Variants in PTPRR observed in about 807,000 individuals in gnomAD.
PTPRR encodes the protein protein tyrosine phosphatase receptor type R.
A neutral mutation model predicts 77.2 loss-of-function variants in PTPRR; 38 were observed. The ratio of observed to expected loss-of-function variants is 0.49; its 90% confidence interval spans 0.38 to 0.65. The LOEUF (loss-of-function observed/expected upper bound fraction) is 0.65. PTPRR is among the 30% of genes least tolerant of loss of function. The probability of loss-of-function intolerance (pLI) is 0.00; values close to 1 mark genes in which losing one functional copy is unlikely to be tolerated. For synonymous variants in PTPRR, 299 were observed against 283.1 expected (o/e 1.06, Z -0.57); for missense variants, 744 against 799.2 (o/e 0.93, Z 0.83).
At chr12:70,669,559 T>TACACACACAC (rs566522694) in intron 10 of PTPRR, among the ~76,000 whole-genome samples, 15,211 of 141,570 alleles carry the variant, frequency 0.11, 1,084 homozygotes, top group African/African-American at 0.2. Flanking sequence ...ATATATGTTA[T>TACACACACAC]ACACACACAC....
At chr12:70,710,708 G>GA (rs1025853966) in intron 6 of PTPRR, among the ~76,000 whole-genome samples, 6 of 151,184 alleles carry the variant, frequency 4.0e-5, no homozygotes, top group East Asian at 3.9e-4. Flanking sequence ...AAATTTACAA[G>GA]AAAAAAAATC....
At chr12:70,829,816 G>A (rs1892180451) in intron 2 of PTPRR, among the ~76,000 whole-genome samples, 1 of 152,066 alleles carries the variant, frequency 6.6e-6, no homozygotes, top group Admixed American at 6.5e-5. Context: ...TAGAAAGTAA[G>A]GACTTTCTAT....
intron 2 of PTPRR, among the ~76,000 whole-genome samples, chr12:70,844,754 CTA>C (rs764427503): frequency 3.6e-4 from 55 of 152,090 alleles, no homozygotes; most frequent in Non-Finnish European, 6.6e-4. Context: ...CAGCTGGGTA[CTA>C]TGGAAAGAGT....
intron 6 of PTPRR, among the ~76,000 whole-genome samples, chr12:70,720,509 A>ATTT (rs34611421): frequency 6.6e-5 from 9 of 136,840 alleles, no homozygotes; most frequent in East Asian, 4.2e-4. Context: ...TACCCTGGTA[A>ATTT]TTTTTTTTTT....
intron 6 of PTPRR, among the ~76,000 whole-genome samples, chr12:70,704,383 C>T (rs1184159317): frequency 6.6e-6 from 1 of 151,652 alleles, no homozygotes; most frequent in Admixed American, 6.6e-5. Flanking sequence ...GCACCACTGT[C>T]GTACTCCAGG....
At position 70,720,941 on chromosome 12, in the gene PTPRR, A is replaced by ACATT. The variant is rs540308183; in HGVS notation, c.1008-19619_1008-19618insAATG. On this transcript the variant is annotated intron_variant, in intron 6 of 13. Coordinates refer to ENST00000283228, the MANE Select transcript of PTPRR (RefSeq NM_002849.4). ...GATTAAAGCTCAGATTTGGTTCTTC[A>ACATT]CTGAATAGGGTTTGCCTATATAGAG... 4.2e-3 allele frequency among the ~76,000 whole-genome samples: 646 copies of ACATT among 152,262 alleles called. 5 individuals are homozygous for ACATT. The highest frequency in any genetic ancestry group is 0.014 in the African/African-American group (593 of 41,566).
At chr12:70,732,548 G>T (rs886668926) in intron 6 of PTPRR, among the ~76,000 whole-genome samples, 12 of 152,078 alleles carry the variant, frequency 7.9e-5, no homozygotes, top group Admixed American at 2.0e-4. Flanking sequence ...GTGGTGGTGA[G>T]CATCCATTTT....
chr12:70,838,407 A>G (rs2137057267), intron 2 of PTPRR, among the ~76,000 whole-genome samples: 1 of 152,300 alleles, frequency 6.6e-6, no homozygotes, highest in East Asian at 1.9e-4. Flanking sequence ...ACTAAAACAT[A>G]AGACCTGCTG....
chr12:70,873,905 T>C (rs191127492), intron 2 of PTPRR, among the ~76,000 whole-genome samples: 199 of 152,262 alleles, frequency 1.3e-3, no homozygotes, highest in Admixed American at 3.3e-3. Flanking sequence ...TACAGCATTA[T>C]AGAATTTGTC....
chr12:70,844,116 T>TA (rs1245542269), intron 2 of PTPRR, among the ~76,000 whole-genome samples: 1 of 151,990 alleles, frequency 6.6e-6, no homozygotes. Flanking sequence ...ATGCCCGGCT[T>TA]AAAAAAATTA....
intron 5 of PTPRR, among the ~76,000 whole-genome samples, chr12:70,750,438 A>G (rs1173756032): frequency 1.3e-5 from 2 of 152,218 alleles, no homozygotes; most frequent in Non-Finnish European, 2.9e-5. Context: ...GAGTTGGAAT[A>G]CATGTGTTTC....
intron 5 of PTPRR, among the ~76,000 whole-genome samples, chr12:70,746,437 C>T (rs949815871): frequency 3.3e-5 from 5 of 152,092 alleles, no homozygotes; most frequent in Non-Finnish European, 5.9e-5. Flanking sequence ...GTAAAACACA[C>T]GTCTATGACA....
At chr12:70,646,414 A>G (rs1189520904) in intron 13 of PTPRR, among the ~76,000 whole-genome samples, 1 of 152,238 alleles carries the variant, frequency 6.6e-6, no homozygotes, top group Admixed American at 6.5e-5. Context: ...AAAAATCAGC[A>G]TATATCAAAT....
chr12:70,807,220 C>T (rs984918857), intron 2 of PTPRR, among the ~76,000 whole-genome samples: 1 of 152,178 alleles, frequency 6.6e-6, no homozygotes, highest in African/African-American at 2.4e-5. Flanking sequence ...AGGGATGGGA[C>T]ATTGTTGAAC....
intron 2 of PTPRR, among the ~76,000 whole-genome samples, chr12:70,786,415 T>C (rs1274876749): frequency 1.3e-5 from 2 of 152,312 alleles, no homozygotes; most frequent in South Asian, 2.1e-4. Flanking sequence ...ACTACTCTTT[T>C]TTAAAAAAAT....
intron 2 of PTPRR, among the ~76,000 whole-genome samples, chr12:70,873,588 T>C (rs1892998583): frequency 6.6e-6 from 1 of 152,156 alleles, no homozygotes; most frequent in African/African-American, 2.4e-5. Flanking sequence ...TGGATGAATC[T>C]ATGGAACAAA....
intron 2 of PTPRR, among the ~76,000 whole-genome samples, chr12:70,811,440 GA>G (rs755727752): frequency 6.6e-6 from 1 of 152,146 alleles, no homozygotes; most frequent in African/African-American, 2.4e-5. Flanking sequence ...GGTTTTCTGA[GA>G]AAAAACTGCC....
In PTPRR at chr12:70,638,481, C is replaced by A. The variant is rs1249720963; in HGVS notation, c.*703G>T. ...GGATAGAGTTCTGGAGCAGAAGCCA[C>A]CTTTATGCCCAATAATAGAGAGTAA... On this transcript the variant is annotated 3_prime_UTR_variant, in exon 14 of 14. Transcript: ENST00000283228. The A allele has an allele frequency of 6.6e-6, 1 of 152,580 alleles. No homozygotes were observed. The highest frequency in any genetic ancestry group is 1.5e-5 in the Non-Finnish European group (1 of 68,022). The allele number at this position is 152,580 out of a possible 1,614,324, so 9.5% of individuals were successfully genotyped here. A position where few individuals can be genotyped will look rare whatever the true frequency, so the allele number is the denominator to read the frequency against.
At chr12:70,816,353 G>A (rs80028218) in intron 2 of PTPRR, among the ~76,000 whole-genome samples, 1 of 151,968 alleles carries the variant, frequency 6.6e-6, no homozygotes, top group African/African-American at 2.4e-5. Flanking sequence ...TACTATAGTA[G>A]TAGTCACCAC....
Sources: gnomAD v4.1 joint callset for allele counts (sites outside exome capture counted in the v4.1 genomes callset) on GRCh38, gnomAD v4.1.1 for gene constraint, MANE v1.5 for transcripts, NCBI Gene and HGNC (gene_info 2026-07-23, HGNC 2026-07-21) for gene names.